Variants in UBE2W observed in about 807,000 individuals in gnomAD.
UBE2W encodes the protein ubiquitin conjugating enzyme E2 W.
In UBE2W, 18 loss-of-function variants were observed where a neutral mutation model predicts 27.2. The observed-to-expected ratio is 0.66, with a 90% CI of 0.46 to 0.98. The LOEUF is 0.98. Among genes scored for constraint, UBE2W ranks in the 50% least tolerant of loss-of-function variants. UBE2W has a pLI of 0.00. For synonymous variants in UBE2W, 53 were observed against 57.2 expected (o/e 0.93, Z 0.33); for missense variants, 90 against 180.2 (o/e 0.50, Z 2.87).
At chr8:73,839,717 T>C (rs1415807692) in intron 1 of UBE2W, among the ~76,000 whole-genome samples, 2 of 148,454 alleles carry the variant, frequency 1.3e-5, no homozygotes, top group African/African-American at 5.0e-5. Flanking sequence ...CTCATTCATT[T>C]CTTTTTTGGT....
chr8:73,805,463 A>AAACAAAAC (rs1554579954), intron 5 of UBE2W, among the ~76,000 whole-genome samples, 188 bp downstream of exon 5: 2 of 129,396 alleles, frequency 1.5e-5, no homozygotes, highest in East Asian at 2.1e-4. Context: ...TCAAAAAAAA[A>AAACAAAAC]AAAAAAAACA....
At chr8:73,872,730 CTACTT>C (rs774389205) in intron 1 of UBE2W, among the ~76,000 whole-genome samples, 3 of 152,132 alleles carry the variant, frequency 2.0e-5, no homozygotes, top group Non-Finnish European at 2.9e-5. Flanking sequence ...ATTTACTAAA[CTACTT>C]TATAGTTTTT....
intron 1 of UBE2W, among the ~76,000 whole-genome samples, chr8:73,852,849 A>G (rs1432310871): frequency 6.6e-6 from 1 of 152,234 alleles, no homozygotes. Context: ...AGAACTATGT[A>G]AACTATGTAT....
chr8:73,842,302 G>T (rs912420307), intron 1 of UBE2W, among the ~76,000 whole-genome samples: 5 of 152,016 alleles, frequency 3.3e-5, no homozygotes, highest in African/African-American at 1.2e-4. Flanking sequence ...GCCGAGGCGG[G>T]TGGATTACGA....
chr8:73,792,989 T>G lies in UBE2W; in HGVS notation c.*1113A>C. On this transcript the variant is annotated 3_prime_UTR_variant, in exon 6 of 6. Coordinates refer to ENST00000602593, the MANE Select transcript of UBE2W (RefSeq NM_018299.6). ...ATTAAGCCTCTGTCAAAAATGTATT[T>G]CTTATTTTAGGGTACAGGATTAAAG... The G allele has an allele frequency of 2.0e-6, 2 of 985,594 alleles. No individual in the cohort carries two copies. Among genetic ancestry groups the G allele is most frequent in the Non-Finnish European group, 2.4e-6 (2 of 829,660 alleles). 61.1% of individuals were successfully genotyped at this position (985,594 alleles called of 1,614,324 possible).
rs1808027695 is a variant in UBE2W, at chr8:73,787,939, T to C, written c.*6163A>G. On this transcript the variant is annotated 3_prime_UTR_variant, in exon 6 of 6. Transcript: ENST00000602593. The stretch of plus-strand genomic sequence containing the variant: ...TACATATTACATAAAGGTGATGTGT[T>C]AAATAGATGGTTTAAGTGACTATCT... 1 of 985,094 alleles carries C rather than the reference T, an allele frequency of 1.0e-6. No individual in the cohort carries two copies. Among genetic ancestry groups the C allele is most frequent in the Non-Finnish European group, 1.2e-6 (1 of 829,804 alleles). The allele number at this position is 985,094 out of a possible 1,614,324, so 61.0% of individuals were successfully genotyped here. A position where few individuals can be genotyped will look rare whatever the true frequency, so the allele number is the denominator to read the frequency against.
At position 73,805,472 on chromosome 8, in the gene UBE2W, C is replaced by CAAACAAAAAAAAAA. The variant is rs1254739442; in HGVS notation, c.442+178_442+179insTTTTTTTTTTGTTT. On this transcript the variant is annotated intron_variant, in intron 5 of 5. Transcript: ENST00000602593. ...TCCATCTCAAAAAAAAAAAAAAAAA[C>CAAACAAAAAAAAAA]AAAAAAAACTAGGGTAATTCATCCA... 1.1e-4 allele frequency among the ~76,000 whole-genome samples: 5 copies of CAAACAAAAAAAAAA among 43,694 alleles called. No individual in the cohort carries two copies. In the South Asian group the frequency reaches 2.8e-3, roughly 24 times the overall value. 28.7% of individuals were successfully genotyped at this position (43,694 alleles called of 152,430 possible).
chr8:73,846,813 G>A (rs908901861), intron 1 of UBE2W, among the ~76,000 whole-genome samples: 2 of 152,178 alleles, frequency 1.3e-5, no homozygotes, highest in Non-Finnish European at 2.9e-5. Flanking sequence ...CAAACATGCA[G>A]ATAAACTTTA....
intron 1 of UBE2W, among the ~76,000 whole-genome samples, chr8:73,852,280 C>T (rs1005563933): frequency 3.9e-5 from 6 of 152,098 alleles, no homozygotes; most frequent in Non-Finnish European, 8.8e-5. Flanking sequence ...ACCATGAATC[C>T]AATGTATGTA....
At chr8:73,797,383 A>G (rs1033469180) in intron 5 of UBE2W, among the ~76,000 whole-genome samples, 30 of 152,324 alleles carry the variant, frequency 2.0e-4, no homozygotes, top group African/African-American at 6.3e-4. Flanking sequence ...GTCTCTCAAC[A>G]ATTTAGGGAA....
At chr8:73,842,062 T>C (rs74595717) in intron 1 of UBE2W, among the ~76,000 whole-genome samples, 2,202 of 152,204 alleles carry the variant, frequency 0.014, 62 homozygotes, top group African/African-American at 0.05. Flanking sequence ...AACACAAATA[T>C]AAATCCTGGA....
intron 1 of UBE2W, among the ~76,000 whole-genome samples, chr8:73,860,085 T>C (rs1004572944): frequency 6.6e-6 from 1 of 151,736 alleles, no homozygotes; most frequent in Non-Finnish European, 1.5e-5. Context: ...GCTAAATTAC[T>C]TGCTGTCAGT....
chr8:73,875,117 C>G (rs981046263), intron 1 of UBE2W, among the ~76,000 whole-genome samples: 1 of 151,856 alleles, frequency 6.6e-6, no homozygotes, highest in Non-Finnish European at 1.5e-5. Flanking sequence ...TAGGAAGAAA[C>G]AATAGGAAGG....
chr8:73,858,271 G>C (rs751619020), intron 1 of UBE2W, among the ~76,000 whole-genome samples: 8 of 148,528 alleles, frequency 5.4e-5, no homozygotes, highest in Non-Finnish European at 1.0e-4. Context: ...TGAGGCAGGA[G>C]AACTGCTTGA....
chr8:73,781,090 T>C (rs1807832169), intron 4 of UBE2W, among the ~76,000 whole-genome samples: 1 of 151,334 alleles, frequency 6.6e-6, no homozygotes, highest in South Asian at 2.1e-4. Context: ...GCCAACATGG[T>C]GAAACCCTGT....
intron 1 of UBE2W, chr8:73,831,062 C>G: frequency 1.5e-5 from 3 of 193,754 alleles, no homozygotes; most frequent in Non-Finnish European, 2.1e-5. Context: ...CTCCACATCC[C>G]TTCCCTCATG....
At chr8:73,865,080 A>C (rs1311656319) in intron 1 of UBE2W, among the ~76,000 whole-genome samples, 1 of 150,910 alleles carries the variant, frequency 6.6e-6, no homozygotes, top group Non-Finnish European at 1.5e-5. Context: ...AAGCGAAATA[A>C]TGTGGCACAA....
chr8:73,865,431 G>A (rs117887514), intron 1 of UBE2W, among the ~76,000 whole-genome samples: 116 of 152,204 alleles, frequency 7.6e-4, no homozygotes, highest in East Asian at 7.3e-3. Flanking sequence ...TAGGCAACAT[G>A]GCAAAACTCA....
chr8:73,823,163 A>C (rs928526863), intron 3 of UBE2W, among the ~76,000 whole-genome samples: 3 of 152,304 alleles, frequency 2.0e-5, no homozygotes, highest in Admixed American at 2.0e-4. Flanking sequence ...GATAACACCA[A>C]TGTTAGAAGA....
Sources: allele counts gnomAD v4.1 joint callset (sites outside exome capture counted in the v4.1 genomes callset), GRCh38; gene constraint gnomAD v4.1.1; transcripts MANE v1.5; gene names NCBI Gene and HGNC (gene_info 2026-07-23, HGNC 2026-07-21).